Variants in ZNF446 observed in about 807,000 individuals in gnomAD.
ZNF446 encodes zinc finger protein 446, also known as zinc finger protein with KRAB and SCAN domains 20.
In ZNF446, 42 loss-of-function variants were observed where a neutral mutation model predicts 34.0. That is an observed-to-expected ratio of 1.23 (90% confidence interval 0.96 to 1.60). The LOEUF is 1.60. Ranked by LOEUF, ZNF446 falls within the 40% of genes most tolerant of loss-of-function variation. ZNF446 has a pLI of 0.00. For missense variants in ZNF446, 650 were observed against 600.2 expected (o/e 1.08, Z -0.87); for synonymous variants, 315 against 251.0 (o/e 1.25, Z -2.41).
chr19:58,479,758 C>G, intron 5 of ZNF446, 31 bp downstream of exon 5: 5 of 1,595,944 alleles, frequency 3.1e-6, no homozygotes, highest in Non-Finnish European at 4.3e-6. Flanking sequence ...CCCCGCCCCT[C>G]TCCCTGGGGC....
At position 58,480,355 on chromosome 19, in the gene ZNF446, C is replaced by T. The variant is rs1374341880; in HGVS notation, c.982C>T (p.Pro328Ser). 3 of 1,602,934 alleles carry T rather than the reference C, an allele frequency of 1.9e-6. No homozygotes were observed. Among genetic ancestry groups the T allele is most frequent in the Non-Finnish European group, 2.6e-6 (3 of 1,175,748 alleles). ...GACGAGACTGGAGCCGGCTGCCACCCCCAGGAAGCCCTACACGTGCGAGCA... is the reference window on the plus strand; with the variant it reads ...GACGAGACTGGAGCCGGCTGCCACCTCCAGGAAGCCCTACACGTGCGAGCA... ...AETRLEPAAT[P>S]RKPYTCEQCG... Residue 328 changes from proline to serine, a missense_variant, in exon 7 of 7, where the codon CCC (proline) becomes TCC (serine). Coordinates refer to ENST00000594369, the MANE Select transcript of ZNF446 (RefSeq NM_017908.4). The surrounding 1 kb of genome is among the most constrained non-coding windows in gnomAD (Gnocchi z 7.2).
At chr19:58,478,258 G>A in intron 4 of ZNF446, 77 bp downstream of exon 4, 1 of 1,385,086 alleles carries the variant, frequency 7.2e-7, no homozygotes, top group Non-Finnish European at 9.9e-7. Context: ...CTGCCTGGTG[G>A]TTTTCCAGGC....
At position 58,477,463 on chromosome 19, in the gene ZNF446, TCCAGGCCTGGGTGCGCGGTCAGCGG is replaced by T. The variant is rs2053098265; in HGVS notation, c.252_276del (p.Trp85ValfsTer8). 1 of 1,613,494 alleles carries T rather than the reference TCCAGGCCTGGGTGCGCGGTCAGCGG, an allele frequency of 6.2e-7. No individual in the cohort carries two copies. The highest frequency in any genetic ancestry group is 1.3e-5 in the African/African-American group (1 of 74,926). Reference sequence around the variant, plus strand: ...TTCCTGGGCACACTGCCTCCCGAGATCCAGGCCTGGGTGCGCGGTCAGCGGCCAGGCAGTCCTGAGGAGGCCGCTG... The same window carrying T: ...TTCCTGGGCACACTGCCTCCCGAGATCCAGGCAGTCCTGAGGAGGCCGCTG... On this transcript the variant is annotated frameshift_variant, in exon 2 of 7. Coordinates refer to ENST00000594369, the MANE Select transcript of ZNF446 (RefSeq NM_017908.4). LOFTEE classifies it high-confidence loss of function.
downstream of ZNF446, among the ~76,000 whole-genome samples, chr19:58,483,080 T>G (rs1482309068): frequency 2.0e-5 from 3 of 151,994 alleles, no homozygotes; most frequent in African/African-American, 7.3e-5. Flanking sequence ...CATATAGAAG[T>G]GGTTGAATGT....
At chr19:58,488,797 G>A in the ZNF446 span, among the ~76,000 whole-genome samples, 6 of 140,888 alleles carry the variant, frequency 4.3e-5, no homozygotes, top group African/African-American at 8.2e-5. Context: ...CTTGCGGTGA[G>A]CCAAGATCAC....
chr19:58,485,805 C>T (rs2053165696), downstream of ZNF446, among the ~76,000 whole-genome samples: 1 of 152,132 alleles, frequency 6.6e-6, no homozygotes, highest in Non-Finnish European at 1.5e-5. Context: ...GTGTCAAACT[C>T]CTAGCCTCAA....
downstream of ZNF446, among the ~76,000 whole-genome samples, chr19:58,483,017 G>A (rs1276209632): frequency 6.6e-6 from 1 of 152,210 alleles, no homozygotes; most frequent in Non-Finnish European, 1.5e-5. Flanking sequence ...AGAAGATCAT[G>A]AAAATGTTCC....
At position 58,477,472 on chromosome 19, in the gene ZNF446, G is replaced by C. The variant is rs755546434; in HGVS notation, c.254G>C (p.Trp85Ser). 3.1e-6 allele frequency: 5 copies of C among 1,613,702 alleles called. No individual in the cohort carries two copies. The highest frequency in any genetic ancestry group is 3.4e-6 in the Non-Finnish European group (4 of 1,180,028). Residue 85 changes from tryptophan to serine, a missense_variant, in exon 2 of 7, where the codon TGG (tryptophan) becomes TCG (serine). Physicochemically the swap from Trp to Ser is radical, Grantham distance 177 (BLOSUM62 -3). Coordinates refer to ENST00000594369, the MANE Select transcript of ZNF446 (RefSeq NM_017908.4). ...LGTLPPEIQA[W>S]VRGQRPGSPE... is the part of the protein sequence containing the mutation. ...ACACTGCCTCCCGAGATCCAGGCCT[G>C]GGTGCGCGGTCAGCGGCCAGGCAGT...
the ZNF446 span, among the ~76,000 whole-genome samples, chr19:58,487,625 A>G: frequency 1.3e-5 from 2 of 152,010 alleles, no homozygotes; most frequent in Non-Finnish European, 2.9e-5. Flanking sequence ...CCTGGCCAAC[A>G]TGGTAAAACC....
At chr19:58,482,765 G>A (rs2053149050), downstream of ZNF446, among the ~76,000 whole-genome samples, 1 of 152,150 alleles carries the variant, frequency 6.6e-6, no homozygotes, top group Non-Finnish European at 1.5e-5. Flanking sequence ...GGGGGTGGGT[G>A]ATCTGTGAGC....
At chr19:58,476,941 G>A (rs901021023) in intron 1 of ZNF446, among the ~76,000 whole-genome samples, 6 of 152,154 alleles carry the variant, frequency 3.9e-5, no homozygotes, top group African/African-American at 1.4e-4. Context: ...GCAATTTCCA[G>A]GAAGCTCCCT....
intron 1 of ZNF446, among the ~76,000 whole-genome samples, chr19:58,476,789 A>G (rs186852276): frequency 1.3e-5 from 2 of 150,838 alleles, no homozygotes; most frequent in East Asian, 2.0e-4. Context: ...CCCACCTTCT[A>G]CCCGCCCACC....
chr19:58,485,845 G>A (rs2053165822), downstream of ZNF446, among the ~76,000 whole-genome samples: 1 of 151,996 alleles, frequency 6.6e-6, no homozygotes, highest in South Asian at 2.1e-4. Context: ...TTCTCAAATT[G>A]CTGGGATTAC....
Position 58,479,795 on chromosome 19 carries a change from C to T in ZNF446, c.712+68C>T, listed in dbSNP as rs369887023. On this transcript the variant is annotated intron_variant, in intron 5 of 6. Transcript: ENST00000594369. ...TGCACCCACCCTGCAGCAGGCCTAG[C>T]TGGGCAGGGCCTCTGTGCTACCAGC... 5.2e-6 allele frequency: 8 copies of T among 1,532,932 alleles called. No homozygotes were observed. In the East Asian group the frequency reaches 9.2e-5, roughly 18 times the overall value. 95.0% of individuals were successfully genotyped at this position (1,532,932 alleles called of 1,614,324 possible).
chr19:58,479,357 G>A (rs1412853402), intron 4 of ZNF446, among the ~76,000 whole-genome samples: 1 of 152,190 alleles, frequency 6.6e-6, no homozygotes, highest in African/African-American at 2.4e-5. Flanking sequence ...CAATCAGGGA[G>A]TTCATTCCTC....
Position 58,479,923 on chromosome 19 carries a change from C to A in ZNF446, c.713-7C>A. The A allele has an allele frequency of 1.3e-6, 2 of 1,564,910 alleles. No homozygotes were observed. The highest frequency in any genetic ancestry group is 1.7e-6 in the Non-Finnish European group (2 of 1,157,944). On this transcript the variant is annotated splice_region_variant and splice_polypyrimidine_tract_variant and intron_variant, in intron 5 of 6. Transcript: ENST00000594369. ...CCCATGCCTAACTGTGCCCCCCACC[C>A]GGGCAGGGTTACCGCCCCACCAGCC...
downstream of ZNF446, chr19:58,483,841 C>T (rs1356177291): frequency 3.3e-5 from 5 of 152,112 alleles, no homozygotes; most frequent in African/African-American, 9.7e-5. Flanking sequence ...TAGAAGTGAG[C>T]GAGCAGTTAA....
chr19:58,488,856 AAAAAAAAAC>A, the ZNF446 span, among the ~76,000 whole-genome samples: 3 of 151,260 alleles, frequency 2.0e-5, no homozygotes, highest in African/African-American at 7.3e-5. Context: ...GTCAAAAAAA[AAAAAAAAAC>A]AAAAAAATAC....
In ZNF446 at chr19:58,480,203, G is replaced by T; in HGVS notation, c.830G>T (p.Cys277Phe). The stretch of plus-strand genomic sequence containing the variant: ...AATGAGAGTGAGGGTCCACCTGGCT[G>T]CCCAGAGGCCCAGCCGCCCCAGGGC... ...SGNESEGPPGCPEAQPPQGPG... is the reference protein window; with the variant it reads ...SGNESEGPPGFPEAQPPQGPG... The change falls in exon 7 of 7, where the codon TGC (cysteine) becomes TTC (phenylalanine). Residue 277 changes from cysteine (C) to phenylalanine (F), a missense_variant. Physicochemically the swap from Cys to Phe is radical, Grantham distance 205. Transcript: ENST00000594369. This position sits in a 1 kb window ranked among gnomAD's most constrained non-coding sequence, Gnocchi z 7.2. 6.3e-7 allele frequency: 1 copy of T among 1,595,928 alleles called. No homozygotes were observed.
Sources: gnomAD v4.1 joint callset for allele counts (sites outside exome capture counted in the v4.1 genomes callset) on GRCh38, gnomAD v4.1.1 for gene constraint, Gnocchi (gnomAD v3.1) non-coding constraint, MANE v1.5 for transcripts, NCBI Gene and HGNC (gene_info 2026-07-23, HGNC 2026-07-21) for gene names.